SLC26A7: variants seen among roughly 807,000 people sequenced by gnomAD.
SLC26A7 encodes the protein anion exchange transporter.
A neutral mutation model predicts 82.5 loss-of-function variants in SLC26A7; 59 were observed. The ratio of observed to expected loss-of-function variants is 0.72; its 90% CI spans 0.58 to 0.89. The LOEUF (loss-of-function observed/expected upper bound fraction) is 0.89, where lower values mean the gene tolerates loss of function less well. SLC26A7 is among the 40% of genes least tolerant of loss of function. SLC26A7 has a pLI of 0.00. For missense variants in SLC26A7, 820 were observed against 793.0 expected (o/e 1.03, Z -0.41); for synonymous variants, 271 against 274.3 (o/e 0.99, Z 0.12).
intron 1 of SLC26A7, among the ~76,000 whole-genome samples, chr8:91,210,562 G>C (rs5012389): frequency 1.1e-4 from 16 of 146,100 alleles, no homozygotes; most frequent in East Asian, 6.2e-4. Context: ...CACACACACA[G>C]ACACACACAC....
intron 4 of SLC26A7, among the ~76,000 whole-genome samples, chr8:91,296,532 T>C (rs930450534): frequency 3.3e-5 from 5 of 152,040 alleles, no homozygotes; most frequent in Admixed American, 2.0e-4. Context: ...TAGTTGATGA[T>C]TGGCTGGAAT....
At chr8:91,378,372 T>G (rs1814574882) in intron 15 of SLC26A7, among the ~76,000 whole-genome samples, 1 of 147,066 alleles carries the variant, frequency 6.8e-6, no homozygotes, top group Non-Finnish European at 1.5e-5. Flanking sequence ...TAATTATATA[T>G]TTATATAAAT....
chr8:91,212,354 C>CATTTCAAACA (rs1809944874), intron 1 of SLC26A7, among the ~76,000 whole-genome samples: 1 of 152,012 alleles, frequency 6.6e-6, no homozygotes, highest in Admixed American at 6.6e-5. Flanking sequence ...TCCCCAGATT[C>CATTTCAAACA]CTTTAAAGTT....
At chr8:91,394,998 A>G (rs1186454535) in intron 18 of SLC26A7, 64 bp from the exon 19 acceptor site, 1 of 1,561,268 alleles carries the variant, frequency 6.4e-7, no homozygotes, top group Non-Finnish European at 8.8e-7. Context: ...CTGTTCTTTT[A>G]CTTTGGTACC....
chr8:91,222,787 G>A lies in SLC26A7; in HGVS notation c.-34+3782G>A, dbSNP rs995120755. ...TTTTACTGAGGATTTTCGCATCCAT[G>A]TTCATCAGTTTTCTTTTTTTGTTGT... On this transcript the variant is annotated intron_variant, in intron 2 of 5. Transcript: ENST00000522862. 2.0e-5 allele frequency among the ~76,000 whole-genome samples: 3 copies of A among 152,064 alleles called. No individual in the cohort carries two copies. The East Asian group carries it at 5.8e-4, about 29-fold the overall frequency.
At chr8:91,239,384 A>AAG (rs1810436493) in intron 2 of SLC26A7, among the ~76,000 whole-genome samples, 2 of 112,854 alleles carry the variant, frequency 1.8e-5, no homozygotes, top group African/African-American at 3.0e-5. Context: ...TCAAAAAAAA[A>AAG]AAAAAAAAAA....
chr8:91,309,665 T>C (rs1476480659), intron 4 of SLC26A7, among the ~76,000 whole-genome samples: 2 of 151,830 alleles, frequency 1.3e-5, no homozygotes, highest in Non-Finnish European at 2.9e-5. Context: ...TATTAGAGCA[T>C]GAACGAAAAG....
intron 2 of SLC26A7, among the ~76,000 whole-genome samples, chr8:91,234,875 C>T (rs1470940719): frequency 6.8e-6 from 1 of 148,138 alleles, no homozygotes; most frequent in Non-Finnish European, 1.5e-5. Context: ...TTCCCTTCTT[C>T]CCTCCTTCCT....
rs772920905 is a variant in SLC26A7 at position 91,362,417 on chromosome 8, G to C, written c.1379G>C (p.Gly460Ala). Reference sequence around the variant, plus strand: ...GCTGCCAATGTGGGACTGCTGTTTGGTGTTGTTTGTACCATAGCTATAGTG... The same window carrying C: ...GCTGCCAATGTGGGACTGCTGTTTGCTGTTGTTTGTACCATAGCTATAGTG... ...CFAANVGLLFGVVCTIAIVIG... is the reference protein window; with the variant it reads ...CFAANVGLLFAVVCTIAIVIG... The change falls in exon 12 of 19, where the codon GGT (glycine) becomes GCT (alanine). Residue 460 changes from glycine to alanine, a missense_variant. Coordinates refer to ENST00000276609, the MANE Select transcript of SLC26A7 (RefSeq NM_052832.4). 1 of 1,613,348 alleles carries C rather than the reference G, an allele frequency of 6.2e-7. No individual in the cohort carries two copies.
chr8:91,350,864 T>C (rs895536864), intron 9 of SLC26A7, among the ~76,000 whole-genome samples: 20 of 152,312 alleles, frequency 1.3e-4, no homozygotes, highest in South Asian at 4.1e-4. Flanking sequence ...TGTAACTTTA[T>C]AAGACACTGC....
intron 2 of SLC26A7, among the ~76,000 whole-genome samples, chr8:91,275,321 C>T (rs1305907382): frequency 2.0e-5 from 3 of 152,124 alleles, no homozygotes; most frequent in Admixed American, 2.0e-4. Flanking sequence ...TTTTTTGAGA[C>T]AGTGTCTTGC....
At chr8:91,211,317 GA>G (rs1208613859) in intron 1 of SLC26A7, among the ~76,000 whole-genome samples, 1 of 151,850 alleles carries the variant, frequency 6.6e-6, no homozygotes, top group African/African-American at 2.4e-5. Flanking sequence ...AATGGAATTA[GA>G]ATAAGTGTAT....
intron 15 of SLC26A7, among the ~76,000 whole-genome samples, chr8:91,388,825 C>A (rs901506809): frequency 5.3e-5 from 8 of 152,016 alleles, no homozygotes; most frequent in African/African-American, 1.9e-4. Flanking sequence ...CATACAGATC[C>A]CTTCCAAGGC....
At chr8:91,288,089 A>C (rs1191139827) in intron 2 of SLC26A7, among the ~76,000 whole-genome samples, 1 of 152,248 alleles carries the variant, frequency 6.6e-6, no homozygotes, top group Non-Finnish European at 1.5e-5. Flanking sequence ...TATCTGAAAG[A>C]TAACTACGGA....
In SLC26A7 at chr8:91,397,174, G is replaced by T. The variant is rs1033041460; in HGVS notation, c.*2077G>T. 6.6e-6 allele frequency: 1 copy of T among 152,056 alleles called. No individual in the cohort carries two copies. Among genetic ancestry groups the T allele is most frequent in the Non-Finnish European group, 1.5e-5 (1 of 67,950 alleles). The allele number at this position is 152,056 out of a possible 1,614,324, so 9.4% of individuals were successfully genotyped here. A position where few individuals can be genotyped will look rare whatever the true frequency, so the allele number is the denominator to read the frequency against. Reference sequence around the variant, plus strand: ...GTCAAATGCTAATGTTTTATTCAATGTAAAGGAAGACCAAACCATGTACCT... The same window carrying T: ...GTCAAATGCTAATGTTTTATTCAATTTAAAGGAAGACCAAACCATGTACCT... On this transcript the variant is annotated 3_prime_UTR_variant, in exon 19 of 19. Transcript: ENST00000276609.
chr8:91,353,365 C>G (rs961409491), intron 11 of SLC26A7, among the ~76,000 whole-genome samples: 1 of 152,110 alleles, frequency 6.6e-6, no homozygotes, highest in African/African-American at 2.4e-5. Flanking sequence ...GAAAAACTAT[C>G]ATGAATCACT....
intron 16 of SLC26A7, among the ~76,000 whole-genome samples, chr8:91,392,555 T>G (rs993418410): frequency 6.6e-6 from 1 of 152,226 alleles, no homozygotes; most frequent in Non-Finnish European, 1.5e-5. Context: ...TGCATATTAT[T>G]TCTTAGTTCC....
At chr8:91,367,257 C>T (rs1468108202) in intron 14 of SLC26A7, among the ~76,000 whole-genome samples, 3 of 152,194 alleles carry the variant, frequency 2.0e-5, no homozygotes, top group African/African-American at 7.2e-5. Context: ...ATCCACCCGC[C>T]TCGGCCTTCC....
chr8:91,313,992 G>A (rs1034585582), intron 4 of SLC26A7, among the ~76,000 whole-genome samples: 1 of 152,176 alleles, frequency 6.6e-6, no homozygotes, highest in African/African-American at 2.4e-5. Flanking sequence ...AACATATGGT[G>A]TTTATAGAAG....
Sources: allele counts gnomAD v4.1 joint callset (sites outside exome capture counted in the v4.1 genomes callset), GRCh38; gene constraint gnomAD v4.1.1; transcripts MANE v1.5; gene names NCBI Gene and HGNC (gene_info 2026-07-23, HGNC 2026-07-21).